Variants in CCDC91 observed in about 807,000 individuals in gnomAD.
CCDC91 encodes coiled-coil domain-containing protein 91.
In CCDC91, 48 loss-of-function variants were observed where a neutral mutation model predicts 63.2. The ratio of observed to expected loss-of-function variants is 0.76; its 90% CI spans 0.60 to 0.97. The LOEUF (loss-of-function observed/expected upper bound fraction) is 0.97, where lower values mean the gene tolerates loss of function less well. Ranked by LOEUF, CCDC91 falls within the 50% of genes least tolerant of loss-of-function variation. The pLI is 0.00. For synonymous variants in CCDC91, 167 were observed against 165.8 expected, an observed-to-expected ratio of 1.01 and a Z score of -0.06; for missense variants, 500 against 494.6, an observed-to-expected ratio of 1.01 and a Z score of -0.10.
chr12:28,284,601 C>T (rs999712120), intron 3 of CCDC91, among the ~76,000 whole-genome samples: 3 of 150,984 alleles, frequency 2.0e-5, no homozygotes, highest in Admixed American at 6.6e-5. Flanking sequence ...TGTGGTGAGC[C>T]GAGATCGCGC....
intron 8 of CCDC91, among the ~76,000 whole-genome samples, chr12:28,413,730 T>A (rs546043650): frequency 2.6e-5 from 4 of 152,326 alleles, no homozygotes; most frequent in African/African-American, 9.6e-5. Context: ...GTGATTGCAG[T>A]TCATAAAAGC....
In CCDC91 at chr12:28,379,996, TA is replaced by T. The variant is rs371700275; in HGVS notation, c.655-11302del. Among the ~76,000 whole-genome samples, 88 of 152,200 alleles carry T rather than the reference TA, an allele frequency of 5.8e-4. 1 individual carries two copies. In the East Asian group the frequency reaches 0.011, roughly 18 times the overall value. ...TACACAATGGAATACTATGCAGCCA[TA>T]AAAAAGGATGAGTTCATGCCTTTGC... On this transcript the variant is annotated intron_variant, in intron 7 of 12. Coordinates refer to ENST00000536442, the MANE Select transcript of CCDC91 (RefSeq NM_018318.5).
intron 1 of CCDC91, among the ~76,000 whole-genome samples, chr12:28,228,519 C>A (rs1208413228): frequency 6.6e-6 from 1 of 151,994 alleles, no homozygotes; most frequent in African/African-American, 2.4e-5. Flanking sequence ...CGATGGTAAC[C>A]AGGCTTCTGC....
intron 11 of CCDC91, among the ~76,000 whole-genome samples, chr12:28,481,768 T>C (rs1462076255): frequency 6.6e-6 from 1 of 151,934 alleles, no homozygotes; most frequent in Admixed American, 6.6e-5. Flanking sequence ...CTGGGGAGGA[T>C]AGAATCAAGT....
chr12:28,421,640 T>C (rs183241316), intron 8 of CCDC91, among the ~76,000 whole-genome samples: 3 of 152,050 alleles, frequency 2.0e-5, no homozygotes, highest in Admixed American at 2.0e-4. Flanking sequence ...TGAATCCAGT[T>C]TGTCATTGAT....
rs1422380096 is a variant in CCDC91, at chr12:28,346,885, C to T, written c.577-15553C>T. Among the ~76,000 whole-genome samples the T allele has an allele frequency of 4.6e-5, 7 of 152,246 alleles. No homozygotes were observed. The East Asian group carries it at 1.4e-3, about 29-fold the overall frequency. The stretch of plus-strand genomic sequence containing the variant: ...GATGTTGGGGGACGGGACTGAATGT[C>T]CCGAACCTCTAATCCTGCCTTGGTC... On this transcript the variant is annotated intron_variant, in intron 6 of 12. Coordinates refer to ENST00000536442, the MANE Select transcript of CCDC91 (RefSeq NM_018318.5).
chr12:28,421,425 T>G (rs1948001626), intron 8 of CCDC91, among the ~76,000 whole-genome samples: 1 of 152,032 alleles, frequency 6.6e-6, no homozygotes, highest in Non-Finnish European at 1.5e-5. Flanking sequence ...GTATTCTCAG[T>G]GTTTAGCTCC....
intron 1 of CCDC91, among the ~76,000 whole-genome samples, chr12:28,198,049 A>G (rs920693708): frequency 3.9e-5 from 6 of 152,186 alleles, no homozygotes; most frequent in African/African-American, 1.4e-4. Flanking sequence ...CCTTAGAAGG[A>G]TATGTACATT....
intron 8 of CCDC91, among the ~76,000 whole-genome samples, chr12:28,405,599 A>G (rs1049954528): frequency 2.0e-5 from 3 of 152,196 alleles, no homozygotes; most frequent in South Asian, 2.1e-4. Context: ...AAGATGATAC[A>G]TAAATTAGCC....
At position 28,304,489 on chromosome 12, in the gene CCDC91, G is replaced by A. The variant is rs1938493451; in HGVS notation, c.110-1160G>A. The A allele has an allele frequency of 6.0e-5, 16 of 267,184 alleles. No individual in the cohort carries two copies. The South Asian group carries it at 6.4e-4, about 11-fold the overall frequency. The allele number at this position is 267,184 out of a possible 1,614,324, so 16.6% of individuals were successfully genotyped here. The stretch of plus-strand genomic sequence containing the variant: ...GTATGGCACATAATATGTCAAAAAT[G>A]CAATATTGCTAAAAATGCAATATTG... On this transcript the variant is annotated intron_variant, in intron 3 of 12. Transcript: ENST00000536442.
chr12:28,238,290 C>A (rs1316746419), intron 1 of CCDC91, among the ~76,000 whole-genome samples: 1 of 152,042 alleles, frequency 6.6e-6, no homozygotes, highest in African/African-American at 2.4e-5. Context: ...GTCCAAATGG[C>A]CAACAACATA....
intron 6 of CCDC91, among the ~76,000 whole-genome samples, chr12:28,329,829 T>C (rs955194512): frequency 2.6e-5 from 4 of 152,102 alleles, no homozygotes; most frequent in African/African-American, 9.7e-5. Flanking sequence ...GGTGTTCTCA[T>C]TGTTCAGTTC....
chr12:28,542,824 C>A (rs573402501), intron 12 of CCDC91, among the ~76,000 whole-genome samples: 1 of 152,088 alleles, frequency 6.6e-6, no homozygotes, highest in South Asian at 2.1e-4. Flanking sequence ...ACATGCTGTA[C>A]AGAAATGGCA....
At chr12:28,268,047 T>TA (rs1478175581) in intron 3 of CCDC91, among the ~76,000 whole-genome samples, 9 of 138,344 alleles carry the variant, frequency 6.5e-5, no homozygotes, top group Non-Finnish European at 1.5e-5. Context: ...AATTAAAAAT[T>TA]AAAAATTAAA....
intron 12 of CCDC91, among the ~76,000 whole-genome samples, chr12:28,539,595 A>C (rs1233912473): frequency 6.6e-6 from 1 of 152,042 alleles, no homozygotes; most frequent in African/African-American, 2.4e-5. Context: ...GTTATTTTTC[A>C]ACATCTGTTT....
intron 6 of CCDC91, among the ~76,000 whole-genome samples, chr12:28,359,366 G>T (rs1943727687): frequency 6.6e-6 from 1 of 152,110 alleles, no homozygotes; most frequent in South Asian, 2.1e-4. Context: ...TTCGTCTTTA[G>T]TTTCATTTAA....
chr12:28,265,064 A>G (rs1326505373), intron 3 of CCDC91, among the ~76,000 whole-genome samples: 1 of 152,068 alleles, frequency 6.6e-6, no homozygotes, highest in African/African-American at 2.4e-5. Flanking sequence ...ATTATGTCAG[A>G]AAGTGTTGTC....
At chr12:28,312,519 C>T (rs971350905) in intron 6 of CCDC91, among the ~76,000 whole-genome samples, 6 of 151,966 alleles carry the variant, frequency 3.9e-5, no homozygotes, top group African/African-American at 1.2e-4. Context: ...AACACAAAGT[C>T]GTTTCTACCT....
At chr12:28,459,203 C>T (rs1424803190) in intron 11 of CCDC91, among the ~76,000 whole-genome samples, 1 of 152,052 alleles carries the variant, frequency 6.6e-6, no homozygotes, top group African/African-American at 2.4e-5. Flanking sequence ...TTCATTTTTA[C>T]CCTCCATAAA....
Sources: allele counts gnomAD v4.1 joint callset (sites outside exome capture counted in the v4.1 genomes callset), GRCh38; gene constraint gnomAD v4.1.1; transcripts MANE v1.5; gene names NCBI Gene and HGNC (gene_info 2026-07-23, HGNC 2026-07-21).